GRK5: variants seen among roughly 807,000 people sequenced by gnomAD.
GRK5 encodes g protein-coupled receptor kinase GRK5.
GRK5 carries 40 observed loss-of-function variants against 78.4 expected under a neutral mutation model. That is an observed-to-expected ratio of 0.51 (90% confidence interval 0.40 to 0.66). The LOEUF (loss-of-function observed/expected upper bound fraction) is 0.66, where lower values mean the gene tolerates loss of function less well. Ranked by LOEUF, GRK5 falls within the 30% of genes least tolerant of loss-of-function variation. The pLI is 0.00. For missense variants in GRK5, 598 were observed against 759.9 expected, an observed-to-expected ratio of 0.79 and a Z score of 2.50; for synonymous variants, 289 against 296.8, an observed-to-expected ratio of 0.97 and a Z score of 0.27.
At chr10:119,242,301 C>T (rs1167366645) in intron 1 of GRK5, among the ~76,000 whole-genome samples, 1 of 151,980 alleles carries the variant, frequency 6.6e-6, no homozygotes, top group Non-Finnish European at 1.5e-5. Context: ...GGAGCCCGAT[C>T]TAGCTTAGTC....
Position 119,425,029 on chromosome 10 carries a change from C to T in GRK5, c.477C>T (p.His159=), listed in dbSNP as rs189973518. The change falls in exon 6 of 16, where the codon CAC becomes CAT. Residue 159 remains histidine, a synonymous_variant. Transcript: ENST00000392870. ...AGTACCTGAGGGGAGAACCATTCCACGAATATCTGGACAGCATGTTTTTTG... is the reference window on the plus strand; with the variant it reads ...AGTACCTGAGGGGAGAACCATTCCATGAATATCTGGACAGCATGTTTTTTG... ...VHEYLRGEPF[H]EYLDSMFFDR... The T allele has an allele frequency of 9.9e-6, 16 of 1,613,864 alleles. No homozygotes were observed. The East Asian group carries it at 1.6e-4, about 16-fold the overall frequency.
At chr10:119,424,571 CCT>C (rs1428467867) in intron 5 of GRK5, among the ~76,000 whole-genome samples, 2 of 151,942 alleles carry the variant, frequency 1.3e-5, no homozygotes, top group African/African-American at 2.4e-5. Flanking sequence ...ACCCACCACC[CCT>C]GATTCCCAGC....
chr10:119,264,246 C>A lies in GRK5; in HGVS notation c.52+56277C>A, dbSNP rs1849457111. ...GCAAGGTGACTGTCATTAGGCAGAT[C>A]TCTTTCCATTACAGGTGACAGAAGC... On this transcript the variant is annotated intron_variant, in intron 1 of 15. Coordinates refer to ENST00000392870, the MANE Select transcript of GRK5 (RefSeq NM_005308.3). The surrounding 1 kb of genome is among the most constrained non-coding windows in gnomAD (Gnocchi z 4.1). Among the ~76,000 whole-genome samples the A allele has an allele frequency of 6.6e-6, 1 of 152,214 alleles. No individual in the cohort carries two copies. The highest frequency in any genetic ancestry group is 2.4e-5 in the African/African-American group (1 of 41,444).
chr10:119,343,683 G>C, intron 2 of GRK5, among the ~76,000 whole-genome samples: 1 of 152,350 alleles, frequency 6.6e-6, no homozygotes, highest in South Asian at 2.1e-4. Context: ...AAGGTCAGGG[G>C]AGGCTGGGTT....
intron 1 of GRK5, among the ~76,000 whole-genome samples, chr10:119,222,636 T>G (rs1848673364): frequency 6.6e-6 from 1 of 151,702 alleles, no homozygotes; most frequent in Non-Finnish European, 1.5e-5. Context: ...AAGCTTGGCA[T>G]GAGGGCATAG....
intron 1 of GRK5, among the ~76,000 whole-genome samples, chr10:119,219,663 G>A (rs1269173106): frequency 2.0e-5 from 3 of 152,108 alleles, no homozygotes; most frequent in Admixed American, 2.0e-4. Flanking sequence ...ATTGGAAAAT[G>A]TTTTCCAAAT....
intron 1 of GRK5, among the ~76,000 whole-genome samples, chr10:119,316,553 C>T (rs1253733785): frequency 6.6e-6 from 1 of 152,236 alleles, no homozygotes; most frequent in South Asian, 2.1e-4. Context: ...AGGGATTCCC[C>T]TGAAGCTCTC....
At chr10:119,211,720 ACT>A (rs1474030150) in intron 1 of GRK5, 1 of 152,198 alleles carries the variant, frequency 6.6e-6, no homozygotes, top group Admixed American at 6.5e-5. Context: ...TTTTCAGGTA[ACT>A]CTGTGACTTG....
intron 4 of GRK5, among the ~76,000 whole-genome samples, chr10:119,415,098 A>AAG (rs1554919573): frequency 2.0e-4 from 30 of 150,822 alleles, no homozygotes; most frequent in African/African-American, 4.4e-4. Context: ...AAAAAAAAAA[A>AAG]AAAAAGAAAA....
intron 2 of GRK5, among the ~76,000 whole-genome samples, chr10:119,327,674 C>T (rs953328527): frequency 2.6e-5 from 4 of 152,104 alleles, no homozygotes; most frequent in African/African-American, 9.7e-5. Flanking sequence ...TTTCCAGGGC[C>T]GGGGGGACTT....
intron 2 of GRK5, among the ~76,000 whole-genome samples, chr10:119,331,335 G>A (rs945221008): frequency 2.6e-5 from 4 of 152,246 alleles, no homozygotes; most frequent in African/African-American, 4.8e-5. Flanking sequence ...GAAGGCTGAC[G>A]TGAGCCGTGG....
intron 2 of GRK5, among the ~76,000 whole-genome samples, chr10:119,357,011 C>G (rs1851272272): frequency 6.6e-6 from 1 of 152,204 alleles, no homozygotes; most frequent in African/African-American, 2.4e-5. Flanking sequence ...CAAAGAACAG[C>G]ATGTGTGTGA....
chr10:119,327,692 A>AC (rs1850703133), intron 2 of GRK5, among the ~76,000 whole-genome samples: 1 of 151,796 alleles, frequency 6.6e-6, no homozygotes, highest in South Asian at 2.1e-4. Context: ...CTTACCTGCC[A>AC]CCCCCAGGCT....
intron 1 of GRK5, among the ~76,000 whole-genome samples, chr10:119,222,954 C>T (rs1848680005): frequency 6.6e-6 from 1 of 152,210 alleles, no homozygotes; most frequent in South Asian, 2.1e-4. Context: ...TCCTCCAGGG[C>T]AGCTCTGCAA....
chr10:119,298,005 T>C (rs1850112663), intron 1 of GRK5, among the ~76,000 whole-genome samples: 1 of 152,160 alleles, frequency 6.6e-6, no homozygotes, highest in Non-Finnish European at 1.5e-5. Flanking sequence ...CACTGGGACC[T>C]CACTTTGTCT....
In GRK5 at chr10:119,253,480, C is replaced by T. The variant is rs1849233431; in HGVS notation, c.52+45511C>T. Among the ~76,000 whole-genome samples, 1 of 152,212 alleles carries T rather than the reference C, an allele frequency of 6.6e-6. No individual in the cohort carries two copies. Among genetic ancestry groups the T allele is most frequent in the Admixed American group, 6.5e-5 (1 of 15,284 alleles). On this transcript the variant is annotated intron_variant, in intron 1 of 15. Transcript: ENST00000392870. The surrounding 1 kb of genome is among the most constrained non-coding windows in gnomAD (Gnocchi z 5.7). Reference sequence around the variant, plus strand: ...CAGAAGCTTAGGCTCCTCCGTGTAGCTGCTCTATTTTTCATGCCTCTTGCC... The same window carrying T: ...CAGAAGCTTAGGCTCCTCCGTGTAGTTGCTCTATTTTTCATGCCTCTTGCC...
intron 13 of GRK5, among the ~76,000 whole-genome samples, chr10:119,451,337 T>C (rs1409337126): frequency 6.6e-6 from 1 of 152,006 alleles, no homozygotes; most frequent in African/African-American, 2.4e-5. Flanking sequence ...CCAGGTAACT[T>C]TCTGTTCCAT....
At chr10:119,290,330 GA>G (rs1432986294) in intron 1 of GRK5, among the ~76,000 whole-genome samples, 1 of 124,794 alleles carries the variant, frequency 8.0e-6, no homozygotes, top group African/African-American at 3.0e-5. Flanking sequence ...CTGAGTGACA[GA>G]GCGAGATTCC....
chr10:119,381,402 C>T (rs1206086104), intron 3 of GRK5, among the ~76,000 whole-genome samples: 1 of 152,246 alleles, frequency 6.6e-6, no homozygotes, highest in East Asian at 1.9e-4. Flanking sequence ...ACCTGCCTCA[C>T]ACAGTGCCCA....
Sources: gnomAD v4.1 joint callset for allele counts (sites outside exome capture counted in the v4.1 genomes callset) on GRCh38, gnomAD v4.1.1 for gene constraint, Gnocchi (gnomAD v3.1) non-coding constraint, MANE v1.5 for transcripts, NCBI Gene and HGNC (gene_info 2026-07-23, HGNC 2026-07-21) for gene names.